Variants in ANKRD36B observed in about 807,000 individuals in gnomAD.
ANKRD36B encodes ankyrin repeat domain-containing protein 36B.
ANKRD36B carries 37 observed loss-of-function variants against 135.7 expected under a neutral mutation model. The observed-to-expected ratio is 0.27, with a 90% confidence interval of 0.21 to 0.36. The LOEUF is 0.36. Ranked by LOEUF, ANKRD36B falls within the 10% of genes least tolerant of loss-of-function variation. The pLI is 1.00. For missense variants in ANKRD36B, 549 were observed against 1,037.1 expected, an observed-to-expected ratio of 0.53 and a Z score of 6.46; for synonymous variants, 179 against 348.1, an observed-to-expected ratio of 0.51 and a Z score of 5.41.
chr2:97,551,374 T>C lies in ANKRD36B; in HGVS notation c.1303-13A>G. On this transcript the variant is annotated splice_polypyrimidine_tract_variant and intron_variant, in intron 17 of 43. Transcript: ENST00000359901. Reference sequence around the variant, plus strand: ...CATCACTTGTGGCCTGAATGGAATTTGAAACAAAATAATAAATAAGGTATG... The same window carrying C: ...CATCACTTGTGGCCTGAATGGAATTCGAAACAAAATAATAAATAAGGTATG... The C allele has an allele frequency of 6.2e-7, 1 of 1,601,032 alleles. No homozygotes were observed. The highest frequency in any genetic ancestry group is 8.5e-7 in the Non-Finnish European group (1 of 1,176,354).
At chr2:97,562,430 A>G (rs913544548) in intron 6 of ANKRD36B, among the ~76,000 whole-genome samples, 1 of 151,990 alleles carries the variant, frequency 6.6e-6, no homozygotes, top group Non-Finnish European at 1.5e-5. Context: ...CAAAAACAAA[A>G]AACAAAAATC....
intron 6 of ANKRD36B, among the ~76,000 whole-genome samples, chr2:97,563,216 T>G (rs1490910993): frequency 6.6e-6 from 1 of 151,840 alleles, no homozygotes; most frequent in African/African-American, 2.4e-5. Flanking sequence ...ACCAAAATCT[T>G]CAGAAATAAC....
At chr2:97,584,549 C>A (rs1222882440) in intron 3 of ANKRD36B, among the ~76,000 whole-genome samples, 1 of 151,822 alleles carries the variant, frequency 6.6e-6, no homozygotes, top group Non-Finnish European at 1.5e-5. Flanking sequence ...TTGTGAAATT[C>A]TTTAATTTTC....
chr2:97,566,802 C>T (rs1364237854), intron 6 of ANKRD36B, among the ~76,000 whole-genome samples: 1 of 152,116 alleles, frequency 6.6e-6, no homozygotes, highest in Non-Finnish European at 1.5e-5. Context: ...TTCTCTCACA[C>T]CGCAACAACA....
intron 35 of ANKRD36B, among the ~76,000 whole-genome samples, chr2:97,531,530 C>A (rs1425457664): frequency 2.2e-5 from 2 of 92,376 alleles, no homozygotes; most frequent in African/African-American, 6.5e-5. Flanking sequence ...ACATTGTGCA[C>A]ATGTTCCCTA....
chr2:97,577,129 G>C (rs1401964560), intron 5 of ANKRD36B, among the ~76,000 whole-genome samples: 1 of 149,984 alleles, frequency 6.7e-6, no homozygotes, highest in Non-Finnish European at 1.5e-5. Flanking sequence ...CTATTATTGA[G>C]CTCATCAATT....
Position 97,529,984 on chromosome 2 carries a change from G to A in ANKRD36B, c.2265+2327C>T, listed in dbSNP as rs2078476134. Among the ~76,000 whole-genome samples, 2 of 95,740 alleles carry A rather than the reference G, an allele frequency of 2.1e-5. 1 individual carries two copies. Among genetic ancestry groups the A allele is most frequent in the Non-Finnish European group, 5.5e-5 (2 of 36,208 alleles). 62.8% of individuals were successfully genotyped at this position (95,740 alleles called of 152,430 possible). On this transcript the variant is annotated intron_variant, in intron 35 of 43. Coordinates refer to ENST00000359901, the MANE Select transcript of ANKRD36B (RefSeq NM_001393939.1). ...CGTTAAAATGGCCATACTGCCCGAG[G>A]TAATTTATAGAATCAGTGCCATCCC...
chr2:97,536,552 A>C lies in ANKRD36B; in HGVS notation c.2090-56T>G. 2.7e-6 allele frequency: 2 copies of C among 732,234 alleles called. 1 individual carries two copies. The highest frequency in any genetic ancestry group is 4.4e-6 in the Non-Finnish European group (2 of 452,056). The allele number at this position is 732,234 out of a possible 1,614,324, so 45.4% of individuals were successfully genotyped here. ...GTAAATATGGTAAGGCCAACCATACATTCGTGGAGTGTTAGCATCAAACTG... is the reference window on the plus strand; with the variant it reads ...GTAAATATGGTAAGGCCAACCATACCTTCGTGGAGTGTTAGCATCAAACTG... On this transcript the variant is annotated intron_variant, in intron 32 of 43. Transcript: ENST00000359901.
chr2:97,538,252 G>A lies in ANKRD36B; in HGVS notation c.2017-12C>T, dbSNP rs577471647. On this transcript the variant is annotated splice_polypyrimidine_tract_variant and intron_variant, in intron 31 of 43. Transcript: ENST00000359901. ...TTTTTAAATATAACCTGAATGGAAA[G>A]AGAAACAAAATAGTCAATACATAAT... The A allele has an allele frequency of 1.5e-5, 14 of 959,332 alleles. No homozygotes were observed. In the South Asian group the frequency reaches 1.8e-4, roughly 12 times the overall value. The allele number at this position is 959,332 out of a possible 1,614,324, so 59.4% of individuals were successfully genotyped here.
Position 97,540,005 on chromosome 2 carries a change from A to G in ANKRD36B, c.1987+29T>C, listed in dbSNP as rs561530001. ...AAGTTCTTTTCTATCTGGACTGAAC[A>G]TGACATTAAATGTGTTTTGTAAAAT... On this transcript the variant is annotated intron_variant, in intron 30 of 43. Transcript: ENST00000359901. 3.4e-4 allele frequency: 301 copies of G among 877,358 alleles called. 79 individuals are homozygous for G. In the African/African-American group the frequency reaches 5.0e-3, roughly 15 times the overall value. The allele number at this position is 877,358 out of a possible 1,614,324, so 54.3% of individuals were successfully genotyped here.
At position 97,533,301 on chromosome 2, in the gene ANKRD36B, CTAACTA is replaced by C. The variant is rs2104470259; in HGVS notation, c.2192-923_2192-918del. ...TTTCAAAAGTGAGATTATGTCTCAA[CTAACTA>C]TAACTGAAATAGAAGAGTGTATCTA... On this transcript the variant is annotated intron_variant, in intron 34 of 43. Coordinates refer to ENST00000359901, the MANE Select transcript of ANKRD36B (RefSeq NM_001393939.1). Among the ~76,000 whole-genome samples, 2 of 96,976 alleles carry C rather than the reference CTAACTA, an allele frequency of 2.1e-5. 1 individual carries two copies. The highest frequency in any genetic ancestry group is 6.2e-5 in the African/African-American group (2 of 32,394). 63.6% of individuals were successfully genotyped at this position (96,976 alleles called of 152,430 possible).
At position 97,547,538 on chromosome 2, in the gene ANKRD36B, C is replaced by T. The variant is rs185376602; in HGVS notation, c.1577G>A (p.Arg526Lys). The T allele has an allele frequency of 2.0e-5, 31 of 1,540,034 alleles. 1 individual carries two copies. The highest frequency in any genetic ancestry group is 2.7e-5 in the Non-Finnish European group (31 of 1,127,484). The change falls in exon 22 of 44, where the codon AGA (arginine) becomes AAA (lysine). Residue 526 changes from arginine to lysine, a missense_variant and splice_region_variant. Arg to Lys is a conservative substitution (Grantham distance 26, BLOSUM62 2). Transcript: ENST00000359901. ...RGKKDGEKTR[R>K]VSSHKQPSLK... ...ATTAAATCTCTTTTCAAAATTACCT[C>T]TCCTAGTTTTTTCTCCATCTTTTTT...
chr2:97,522,178 T>C (rs546349093), intron 36 of ANKRD36B, among the ~76,000 whole-genome samples: 1 of 91,774 alleles, frequency 1.1e-5, no homozygotes, highest in African/African-American at 3.4e-5. Flanking sequence ...TTGGATTTCA[T>C]TACAATTAAA....
chr2:97,581,915 TC>T (rs1236401881), intron 3 of ANKRD36B, among the ~76,000 whole-genome samples: 2 of 151,642 alleles, frequency 1.3e-5, no homozygotes, highest in East Asian at 3.9e-4. Flanking sequence ...CACGAGAAAT[TC>T]TCCTGCCTCA....
chr2:97,559,575 A>G (rs374862244), intron 8 of ANKRD36B, among the ~76,000 whole-genome samples: 1 of 151,948 alleles, frequency 6.6e-6, no homozygotes, highest in Non-Finnish European at 1.5e-5. Context: ...CCCATGTGGT[A>G]TAATAATTTG....
chr2:97,552,110 T>A (rs113247402), intron 16 of ANKRD36B, among the ~76,000 whole-genome samples: 3 of 151,862 alleles, frequency 2.0e-5, no homozygotes, highest in African/African-American at 7.2e-5. Flanking sequence ...CACTAGTTTA[T>A]CCCTCTGAAA....
intron 6 of ANKRD36B, among the ~76,000 whole-genome samples, chr2:97,571,627 C>G (rs1267039119): frequency 6.6e-6 from 1 of 152,008 alleles, no homozygotes; most frequent in South Asian, 2.1e-4. Flanking sequence ...GCCTGGGCAA[C>G]AGAGCGAGAC....
chr2:97,576,191 A>C (rs1274211115), intron 6 of ANKRD36B, among the ~76,000 whole-genome samples, 188 bp downstream of exon 6: 1 of 150,958 alleles, frequency 6.6e-6, no homozygotes, highest in Non-Finnish European at 1.5e-5. Flanking sequence ...TTTTTCAAAC[A>C]ATACTGAGAT....
chr2:97,578,765 A>C, intron 5 of ANKRD36B, 141 bp downstream of exon 5: 1 of 1,116,346 alleles, frequency 9.0e-7, no homozygotes, highest in Admixed American at 3.1e-5. Flanking sequence ...CAACTCTCGA[A>C]AACTTAAAAA....
Sources: allele counts gnomAD v4.1 joint callset (sites outside exome capture counted in the v4.1 genomes callset), GRCh38; gene constraint gnomAD v4.1.1; transcripts MANE v1.5; gene names NCBI Gene and HGNC (gene_info 2026-07-23, HGNC 2026-07-21).